EZR: variants seen among roughly 807,000 people sequenced by gnomAD.
EZR encodes the protein cytovillin 2.
Under a neutral mutation model 74.8 loss-of-function variants are expected in EZR, and 40 were observed. That is an observed-to-expected ratio of 0.53 (90% CI 0.42 to 0.70). The LOEUF (loss-of-function observed/expected upper bound fraction) is 0.70, where lower values mean the gene tolerates loss of function less well. Ranked by LOEUF, EZR falls within the 30% of genes least tolerant of loss-of-function variation. The pLI, the probability that EZR is intolerant of heterozygous loss-of-function variation, is 0.00. For missense variants in EZR, 678 were observed against 755.8 expected, an observed-to-expected ratio of 0.90 and a Z score of 1.21; for synonymous variants, 341 against 283.3, an observed-to-expected ratio of 1.20 and a Z score of -2.05.
At chr6:158,783,762 G>T in intron 6 of EZR, 96 bp from the exon 7 acceptor site, 1 of 1,329,482 alleles carries the variant, frequency 7.5e-7, no homozygotes, top group Non-Finnish European at 1.0e-6. Flanking sequence ...GGCGCCTTGT[G>T]TAGGATGGGC....
chr6:158,789,630 TTTTC>T (rs35064014), intron 2 of EZR: 297,960 of 565,704 alleles, frequency 0.53, 83,522 homozygotes, highest in Non-Finnish European at 0.61. Flanking sequence ...AGTTTTTCTC[TTTTC>T]TTTGAGACAG....
intron 6 of EZR, among the ~76,000 whole-genome samples, chr6:158,784,336 G>C (rs1329450585): frequency 1.3e-5 from 2 of 152,168 alleles, no homozygotes; most frequent in East Asian, 3.9e-4. Context: ...ACAGAATAAT[G>C]CTGATTGCAG....
chr6:158,794,767 C>G (rs1413470796), intron 2 of EZR, among the ~76,000 whole-genome samples: 2 of 152,082 alleles, frequency 1.3e-5, no homozygotes, highest in Non-Finnish European at 2.9e-5. Context: ...CAATATTTCT[C>G]CCAGGCTTGC....
Position 158,766,688 on chromosome 6 carries a change from G to C in EZR, c.*226C>G, listed in dbSNP as rs1423819981. 1.8e-6 allele frequency: 1 copy of C among 571,276 alleles called. No homozygotes were observed. Among genetic ancestry groups the C allele is most frequent in the Admixed American group, 3.2e-5 (1 of 31,344 alleles). 35.4% of individuals were successfully genotyped at this position (571,276 alleles called of 1,614,324 possible). On this transcript the variant is annotated 3_prime_UTR_variant, in exon 14 of 14. Coordinates refer to ENST00000367075, the MANE Select transcript of EZR (RefSeq NM_001111077.2). ...CCCAGCACAACACAGGAGGTGATTC[G>C]AGAATAATCGCGAGAATCAGGCCTG... is the stretch of plus-strand genomic sequence containing the variant.
intron 2 of EZR, among the ~76,000 whole-genome samples, chr6:158,798,591 C>T (rs1361503142): frequency 6.7e-5 from 10 of 149,202 alleles, no homozygotes; most frequent in Admixed American, 1.3e-4. Flanking sequence ...AGACCTCCCT[C>T]GATGGAAAAG....
rs187595394 is a variant in EZR at position 158,766,788 on chromosome 6, T to C, written c.*126A>G. The C allele has an allele frequency of 5.0e-5, 49 of 982,458 alleles. No homozygotes were observed. In the African/African-American group the frequency reaches 7.9e-4, roughly 16 times the overall value. The allele number at this position is 982,458 out of a possible 1,614,324, so 60.9% of individuals were successfully genotyped here. A position where few individuals can be genotyped will look rare whatever the true frequency, so the allele number is the denominator to read the frequency against. On this transcript the variant is annotated 3_prime_UTR_variant, in exon 14 of 14. Coordinates refer to ENST00000367075, the MANE Select transcript of EZR (RefSeq NM_001111077.2). Reference sequence around the variant, plus strand: ...CCCAGCCCAGAATGTTTCTGTTGGGTAACTGCTTTCTAAAGGAACTGGGAT... The same window carrying C: ...CCCAGCCCAGAATGTTTCTGTTGGGCAACTGCTTTCTAAAGGAACTGGGAT...
chr6:158,779,794 T>C (rs1030716411), intron 7 of EZR, among the ~76,000 whole-genome samples: 1 of 152,080 alleles, frequency 6.6e-6, no homozygotes, highest in Non-Finnish European at 1.5e-5. Flanking sequence ...CAGGCTGGTC[T>C]TGAACTCCTG....
At chr6:158,771,775 A>G (rs79373377) in intron 8 of EZR, among the ~76,000 whole-genome samples, 5,006 of 152,194 alleles carry the variant, frequency 0.033, 97 homozygotes, top group Middle Eastern at 0.054. Flanking sequence ...AGCCTTGGGA[A>G]ACCTTTCAAG....
intron 4 of EZR, 32 bp downstream of exon 4, chr6:158,787,076 C>A (rs1230293806): frequency 6.4e-7 from 1 of 1,565,168 alleles, no homozygotes; most frequent in Non-Finnish European, 8.8e-7. Context: ...AACACCCAAT[C>A]CACAGCCTGT....
At position 158,776,486 on chromosome 6, in the gene EZR, G is replaced by C; in HGVS notation, c.717C>G (p.Gly239=). The C allele has an allele frequency of 6.2e-7, 1 of 1,613,368 alleles. No individual in the cohort carries two copies. Among genetic ancestry groups the C allele is most frequent in the Non-Finnish European group, 8.5e-7 (1 of 1,179,726 alleles). The part of the protein sequence containing the change: ...EKDDKLTPKI[G]FPWSEIRNIS... ...TGTTCCTGATTTCACTCCAAGGAAA[G>C]CCAATCTTTGGGGTTAACCTGAGGT... is the stretch of plus-strand genomic sequence containing the variant. Residue 239 remains glycine (G), a synonymous_variant, in exon 8 of 14, where the codon GGC becomes GGG. Coordinates refer to ENST00000367075, the MANE Select transcript of EZR (RefSeq NM_001111077.2).
In EZR at chr6:158,810,275, T is replaced by C. The variant is rs528585656; in HGVS notation, c.12+7807A>G. Among the ~76,000 whole-genome samples, 104 of 152,330 alleles carry C rather than the reference T, an allele frequency of 6.8e-4. 1 individual carries two copies. In the Middle Eastern group the frequency reaches 0.01, roughly 15 times the overall value. ...CAGCATTACTGTTTGCCTGTAAGTG[T>C]TAAGAACGGGTTAATGAATAAAGGA... is the stretch of plus-strand genomic sequence containing the variant. On this transcript the variant is annotated intron_variant, in intron 2 of 13. Coordinates refer to ENST00000367075, the MANE Select transcript of EZR (RefSeq NM_001111077.2).
chr6:158,811,192 T>C (rs769384600), intron 2 of EZR, among the ~76,000 whole-genome samples: 32 of 152,226 alleles, frequency 2.1e-4, no homozygotes, highest in Non-Finnish European at 1.3e-4. Flanking sequence ...CTTTGGTCTT[T>C]TCAACACACA....
At chr6:158,796,639 G>C (rs1309967176) in intron 2 of EZR, among the ~76,000 whole-genome samples, 1 of 115,984 alleles carries the variant, frequency 8.6e-6, no homozygotes, top group Admixed American at 7.7e-5. Context: ...GACAAAAATG[G>C]GGATATGCTG....
chr6:158,788,081 A>G (rs529879033), intron 3 of EZR, among the ~76,000 whole-genome samples: 1 of 152,348 alleles, frequency 6.6e-6, no homozygotes, highest in South Asian at 2.1e-4. Context: ...ATAATGTTAA[A>G]CTTTAAAAAA....
rs768114763 is a variant in EZR, at chr6:158,767,456, C to A, written c.1401G>T (p.Met467Ile). Reference protein sequence around the residue: ...VKTKEELHLVMTAPPPPPPPV... With the variant: ...VKTKEELHLVITAPPPPPPPV... The stretch of plus-strand genomic sequence containing the variant: ...GGGGTGGTGGGGGCGGGGGTGCTGT[C>A]ATCACCAGGTGCAGCTCCTCCTTGG... Residue 467 changes from methionine (M) to isoleucine (I), a missense_variant, in exon 13 of 14, where the codon ATG becomes ATT. By Grantham distance (10) the Met-to-Ile change is conservative (BLOSUM62 1). Transcript: ENST00000367075. 1.2e-6 allele frequency: 2 copies of A among 1,612,144 alleles called. No individual in the cohort carries two copies. Among genetic ancestry groups the A allele is most frequent in the Non-Finnish European group, 1.7e-6 (2 of 1,178,672 alleles).
chr6:158,767,127 C>T lies in EZR; in HGVS notation c.1597-49G>A, dbSNP rs774753494. The T allele has an allele frequency of 4.1e-5, 66 of 1,603,922 alleles. 1 individual carries two copies. Among genetic ancestry groups the T allele is most frequent in the South Asian group, 1.8e-4 (16 of 90,152 alleles). On this transcript the variant is annotated intron_variant, in intron 13 of 13. Coordinates refer to ENST00000367075, the MANE Select transcript of EZR (RefSeq NM_001111077.2). ...CTAGTCCCTTCCTCCCCATATGGCC[C>T]GGCCCGTCCCCTAGGAAAACAGGAA...
intron 12 of EZR, among the ~76,000 whole-genome samples, chr6:158,768,389 C>T (rs939904909): frequency 2.4e-4 from 30 of 123,226 alleles, no homozygotes; most frequent in Admixed American, 4.5e-4. Context: ...TCTTTATAGC[C>T]GTTGTGAGAA....
chr6:158,818,641 G>A (rs1479342494), intron 1 of EZR, among the ~76,000 whole-genome samples: 2 of 151,098 alleles, frequency 1.3e-5, no homozygotes, highest in African/African-American at 4.9e-5. Flanking sequence ...GGACACTCGA[G>A]GTGCACCCAG....
chr6:158,796,932 A>C (rs916770094), intron 2 of EZR, among the ~76,000 whole-genome samples: 6 of 152,218 alleles, frequency 3.9e-5, no homozygotes, highest in African/African-American at 1.4e-4. Context: ...AATGCCTTCT[A>C]AGAGTGTAAG....
Sources: allele counts gnomAD v4.1 joint callset (sites outside exome capture counted in the v4.1 genomes callset), GRCh38; gene constraint gnomAD v4.1.1; transcripts MANE v1.5; gene names NCBI Gene and HGNC (gene_info 2026-07-23, HGNC 2026-07-21).